OXSR1: variants seen among roughly 807,000 people sequenced by gnomAD.
OXSR1 encodes serine/threonine-protein kinase OSR1.
A neutral mutation model predicts 79.8 loss-of-function variants in OXSR1; 24 were observed. The observed-to-expected ratio is 0.30, with a 90% CI of 0.22 to 0.42. OXSR1 has a LOEUF of 0.42. Ranked by LOEUF, OXSR1 falls within the 10% of genes least tolerant of loss-of-function variation. The pLI is 1.00. For synonymous variants in OXSR1, 226 were observed against 209.2 expected (o/e 1.08, Z -0.69); for missense variants, 430 against 618.4 (o/e 0.70, Z 3.23).
chr3:38,174,832 A>G (rs1185897047), intron 1 of OXSR1, among the ~76,000 whole-genome samples: 1 of 152,248 alleles, frequency 6.6e-6, no homozygotes, highest in African/African-American at 2.4e-5. Flanking sequence ...CCATCCGCTC[A>G]GATGGGAGAT....
rs1559531592 is a variant in OXSR1 at position 38,252,864 on chromosome 3, A to C, written c.1557A>C (p.Ile519=). The C allele has an allele frequency of 6.2e-7, 1 of 1,613,788 alleles. No individual in the cohort carries two copies. The highest frequency in any genetic ancestry group is 1.1e-5 in the South Asian group (1 of 91,082). The change falls in exon 18 of 18, where the codon ATA becomes ATC. Residue 519 remains isoleucine, a synonymous_variant. Coordinates refer to ENST00000311806, the MANE Select transcript of OXSR1 (RefSeq NM_005109.3). ...ATATTCCTGATGATGGTAAACTGATAGGATTTGCCCAGCTCAGCATCAGCT... is the reference window on the plus strand; with the variant it reads ...ATATTCCTGATGATGGTAAACTGATCGGATTTGCCCAGCTCAGCATCAGCT... ...GSDIPDDGKL[I]GFAQLSIS is the part of the protein sequence containing the mutation.
intron 3 of OXSR1, among the ~76,000 whole-genome samples, chr3:38,197,363 A>G (rs181437764): frequency 6.6e-6 from 1 of 152,320 alleles, no homozygotes; most frequent in Admixed American, 6.5e-5. Context: ...GTCTTATCTG[A>G]ACTTTCAACC....
rs1419916937 is a variant in OXSR1 at position 38,190,797 on chromosome 3, G to A, written c.250G>A (p.Val84Ile). The A allele has an allele frequency of 1.2e-6, 2 of 1,608,540 alleles. No individual in the cohort carries two copies. The highest frequency in any genetic ancestry group is 1.7e-6 in the Non-Finnish European group (2 of 1,175,248). Residue 84 changes from valine to isoleucine, a missense_variant, in exon 3 of 18, where the codon GTA becomes ATA. By Grantham distance (29) the Val-to-Ile change is conservative. Transcript: ENST00000311806. Reference protein sequence around the residue: ...NIVSYYTSFVVKDELWLVMKL... With the variant: ...NIVSYYTSFVIKDELWLVMKL... ...TGTATCTTACTACACATCTTTTGTG[G>A]TAAAAGATGAGCTGTGGCTTGTCAT...
chr3:38,204,544 A>G (rs1489340237), intron 4 of OXSR1, among the ~76,000 whole-genome samples: 1 of 151,988 alleles, frequency 6.6e-6, no homozygotes, highest in Non-Finnish European at 1.5e-5. Flanking sequence ...CTCCTTAGTT[A>G]GCAGATGATG....
chr3:38,214,051 A>G (rs148977025), intron 4 of OXSR1, among the ~76,000 whole-genome samples: 14 of 152,270 alleles, frequency 9.2e-5, no homozygotes, highest in African/African-American at 3.1e-4. Context: ...TTTTGACTGT[A>G]ACATATTAGT....
chr3:38,170,047 A>G (rs989372717), intron 1 of OXSR1, among the ~76,000 whole-genome samples: 1 of 150,904 alleles, frequency 6.6e-6, no homozygotes, highest in African/African-American at 2.4e-5. Context: ...TAATTTTATT[A>G]TTATTATTTT....
chr3:38,216,243 T>TTCCCTGGACCA, intron 5 of OXSR1, 92 bp downstream of exon 5: 1 of 793,328 alleles, frequency 1.3e-6, no homozygotes, highest in Non-Finnish European at 2.1e-6. Flanking sequence ...TTCTCTCCTG[T>TTCCCTGGACCA]TCCCTGGACC....
chr3:38,239,718 A>G (rs751179063), intron 11 of OXSR1, among the ~76,000 whole-genome samples: 16 of 152,190 alleles, frequency 1.1e-4, no homozygotes, highest in Non-Finnish European at 1.8e-4. Flanking sequence ...GTCTGCAGCT[A>G]TCTAGGGTTC....
intron 8 of OXSR1, among the ~76,000 whole-genome samples, chr3:38,225,550 A>G (rs921089010): frequency 1.3e-4 from 20 of 152,030 alleles, no homozygotes; most frequent in African/African-American, 4.8e-4. Context: ...AGCAAAATTT[A>G]TACCTGTGTT....
chr3:38,205,241 G>T (rs1422330193), intron 4 of OXSR1, among the ~76,000 whole-genome samples: 1 of 152,192 alleles, frequency 6.6e-6, no homozygotes, highest in African/African-American at 2.4e-5. Context: ...TTGAAATCAG[G>T]TACTGTGATC....
At chr3:38,226,613 C>T (rs1297354293) in intron 8 of OXSR1, among the ~76,000 whole-genome samples, 1 of 151,940 alleles carries the variant, frequency 6.6e-6, no homozygotes, top group Non-Finnish European at 1.5e-5. Flanking sequence ...TGATATGGTG[C>T]AATGAGAAGG....
intron 2 of OXSR1, among the ~76,000 whole-genome samples, chr3:38,186,675 A>G (rs758616686): frequency 5.3e-5 from 8 of 152,166 alleles, no homozygotes; most frequent in Non-Finnish European, 8.8e-5. Context: ...AGTCCATTAT[A>G]TAGATATACC....
intron 11 of OXSR1, 96 bp from the exon 12 acceptor site, chr3:38,242,647 G>A: frequency 1.6e-6 from 1 of 629,722 alleles, no homozygotes; most frequent in South Asian, 2.2e-5. Flanking sequence ...AGAATTAAAT[G>A]GAGTTGATTT....
At chr3:38,200,180 A>G (rs1488720105) in intron 4 of OXSR1, among the ~76,000 whole-genome samples, 1 of 152,132 alleles carries the variant, frequency 6.6e-6, no homozygotes, top group African/African-American at 2.4e-5. Context: ...AACTCCAAGT[A>G]TGGAGTCAGG....
At chr3:38,181,879 C>CT (rs1299405708) in intron 1 of OXSR1, among the ~76,000 whole-genome samples, 2 of 148,320 alleles carry the variant, frequency 1.3e-5, no homozygotes, top group Non-Finnish European at 3.0e-5. Context: ...TGTTAGGAGA[C>CT]TTTTTTTGTT....
At chr3:38,239,044 T>C (rs569447187) in intron 11 of OXSR1, among the ~76,000 whole-genome samples, 1 of 152,286 alleles carries the variant, frequency 6.6e-6, no homozygotes, top group East Asian at 1.9e-4. Flanking sequence ...TCTTCTGCAA[T>C]ATCTAATCTT....
At chr3:38,216,224 T>C in intron 5 of OXSR1, 73 bp downstream of exon 5, 3 of 955,876 alleles carry the variant, frequency 3.1e-6, no homozygotes, top group Non-Finnish European at 3.3e-6. Context: ...TATGTTTCCT[T>C]AATCAGCATT....
intron 12 of OXSR1, among the ~76,000 whole-genome samples, chr3:38,243,145 C>T (rs954721954): frequency 6.6e-6 from 1 of 151,786 alleles, no homozygotes. Context: ...GTGATCCTTC[C>T]ACCTCAGCCT....
chr3:38,201,564 G>A (rs1293733349), intron 4 of OXSR1, among the ~76,000 whole-genome samples: 1 of 152,140 alleles, frequency 6.6e-6, no homozygotes, highest in African/African-American at 2.4e-5. Context: ...CAAAAAATTA[G>A]CTGGGTGTGG....
Sources: gnomAD v4.1 joint callset for allele counts (sites outside exome capture counted in the v4.1 genomes callset) on GRCh38, gnomAD v4.1.1 for gene constraint, MANE v1.5 for transcripts, NCBI Gene and HGNC (gene_info 2026-07-23, HGNC 2026-07-21) for gene names.